SIRT3: variants seen among roughly 807,000 people sequenced by gnomAD.
The protein encoded by SIRT3 is sirtuin 3.
SIRT3 carries 26 observed loss-of-function variants against 33.5 expected under a neutral mutation model. That is an observed-to-expected ratio of 0.78 (90% confidence interval 0.57 to 1.08). SIRT3 has a LOEUF of 1.08. SIRT3 is among the 50% of genes least tolerant of loss of function. The pLI, the probability that SIRT3 is intolerant of heterozygous loss-of-function variation, is 0.00. For missense variants in SIRT3, 585 were observed against 530.1 expected, an observed-to-expected ratio of 1.10 and a Z score of -1.02; for synonymous variants, 237 against 222.1, an observed-to-expected ratio of 1.07 and a Z score of -0.60.
chr11:221,999 C>T (rs1856506988), intron 5 of SIRT3, among the ~76,000 whole-genome samples: 1 of 152,174 alleles, frequency 6.6e-6, no homozygotes, highest in Admixed American at 6.5e-5. Context: ...CGAATCTTTT[C>T]AAAGACACAC....
Position 218,983 on chromosome 11 carries a change from A to G in SIRT3, c.1028T>C (p.Ile343Thr). 4 of 1,614,134 alleles carry G rather than the reference A, an allele frequency of 2.5e-6. No homozygotes were observed. In the Admixed American group the frequency reaches 5.0e-5, roughly 20 times the overall value. ...AVRSSVPRLL[I>T]NRDLVGPLAW... ...CAAGGGCCCCACCAAGTCCCGGTTG[A>G]TGAGCAGTCGGGGAACTGAGCTCCG... Residue 343 changes from isoleucine (I) to threonine (T), a missense_variant, in exon 6 of 7, where the codon ATC becomes ACC. Coordinates refer to ENST00000382743, the MANE Select transcript of SIRT3 (RefSeq NM_012239.6).
chr11:236,489 T>C (rs1040440732), upstream of SIRT3: 7 of 289,800 alleles, frequency 2.4e-5, no homozygotes, highest in South Asian at 1.3e-4. Context: ...CCCCGCCTCC[T>C]TGCCGACGCC....
chr11:236,784 G>C (rs1273186789), upstream of SIRT3: 1 of 537,546 alleles, frequency 1.9e-6, no homozygotes, highest in Admixed American at 3.2e-5. Context: ...TCCGTAGCGG[G>C]TTCGACCACA....
chr11:216,695 A>G lies in SIRT3; in HGVS notation c.*3T>C, dbSNP rs773452420. 2 of 1,614,088 alleles carry G rather than the reference A, an allele frequency of 1.2e-6. No homozygotes were observed. Among genetic ancestry groups the G allele is most frequent in the East Asian group, 4.5e-5 (2 of 44,892 alleles). ...CATTTATTGTGTGGGGGCAGCCATCATCCTATTTGTCTGGTCCATCAAGCT... is the reference window on the plus strand; with the variant it reads ...CATTTATTGTGTGGGGGCAGCCATCGTCCTATTTGTCTGGTCCATCAAGCT... On this transcript the variant is annotated 3_prime_UTR_variant, in exon 7 of 7. Transcript: ENST00000382743.
At chr11:227,407 C>G in intron 4 of SIRT3, among the ~76,000 whole-genome samples, 1 of 151,578 alleles carries the variant, frequency 6.6e-6, no homozygotes, top group African/African-American at 2.4e-5. Flanking sequence ...CACTGCACTC[C>G]AGCCTGGGCA....
Position 216,670 on chromosome 11 carries a change from C to T in SIRT3, c.*28G>A. Reference sequence around the variant, plus strand: ...GGGATGTGGATGTCTCCTATGTTACCATTTATTGTGTGGGGGCAGCCATCA... The same window carrying T: ...GGGATGTGGATGTCTCCTATGTTACTATTTATTGTGTGGGGGCAGCCATCA... On this transcript the variant is annotated 3_prime_UTR_variant, in exon 7 of 7. Transcript: ENST00000382743. 1 of 1,613,610 alleles carries T rather than the reference C, an allele frequency of 6.2e-7. No individual in the cohort carries two copies. The highest frequency in any genetic ancestry group is 8.5e-7 in the Non-Finnish European group (1 of 1,179,618).
intron 3 of SIRT3, among the ~76,000 whole-genome samples, chr11:232,441 T>A (rs1278686066): frequency 6.6e-6 from 1 of 152,124 alleles, no homozygotes; most frequent in East Asian, 1.9e-4. Context: ...GGAGTTGTTT[T>A]TAAAGTATTC....
intron 1 of SIRT3, 33 bp downstream of exon 1, chr11:236,015 C>T (rs779259285): frequency 2.8e-6 from 4 of 1,436,906 alleles, no homozygotes; most frequent in Non-Finnish European, 3.7e-6. Flanking sequence ...CGACAACGAA[C>T]ACGCAAGAAG....
intron 4 of SIRT3, among the ~76,000 whole-genome samples, chr11:224,562 C>T (rs879856867): frequency 6.6e-6 from 1 of 152,204 alleles, no homozygotes; most frequent in Admixed American, 6.5e-5. Context: ...GACATCCAGG[C>T]GCTAAGGAAA....
rs780636158 is a variant in SIRT3, at chr11:230,454, G to A, written c.805C>T (p.Arg269Trp). 4.8e-6 allele frequency: 7 copies of A among 1,448,888 alleles called. No individual in the cohort carries two copies. Among genetic ancestry groups the A allele is most frequent in the Middle Eastern group, 1.8e-4 (1 of 5,512 alleles). The allele number at this position is 1,448,888 out of a possible 1,614,324, so 89.8% of individuals were successfully genotyped here. Residue 269 changes from arginine to tryptophan, a missense_variant and splice_region_variant, in exon 4 of 7, where the codon CGG (arginine) becomes TGG (tryptophan). Physicochemically the swap from Arg to Trp is moderately radical, Grantham distance 101. Coordinates refer to ENST00000382743, the MANE Select transcript of SIRT3 (RefSeq NM_012239.6). ...CAACCAACAGCAGGATAACTCACCC[G>A]AATGTCCTCCCCTGGGAAGGGTCTT... ...CQRPFPGEDI[R>W]ADVMADRVPR...
chr11:236,433 C>A, upstream of SIRT3: 2 of 743,058 alleles, frequency 2.7e-6, no homozygotes, highest in Non-Finnish European at 3.3e-6. Context: ...CCGCCTCCGC[C>A]TACCGCCCCC....
At chr11:217,134 T>G (rs1464397667) in intron 6 of SIRT3, among the ~76,000 whole-genome samples, 1 of 152,234 alleles carries the variant, frequency 6.6e-6, no homozygotes, top group East Asian at 1.9e-4. Context: ...GCTACCAGAG[T>G]TACAATCTGC....
At chr11:228,203 T>TCCA (rs551711433) in intron 4 of SIRT3, among the ~76,000 whole-genome samples, 29 of 152,268 alleles carry the variant, frequency 1.9e-4, no homozygotes, top group African/African-American at 6.7e-4. Context: ...GTTGGATGAC[T>TCCA]CCACCTTATT....
chr11:220,440 C>G lies in SIRT3; in HGVS notation c.970-1399G>C, dbSNP rs536024803. On this transcript the variant is annotated intron_variant, in intron 5 of 6. Coordinates refer to ENST00000382743, the MANE Select transcript of SIRT3 (RefSeq NM_012239.6). The stretch of plus-strand genomic sequence containing the variant: ...AATTTATATTGCTAATTTATAATGA[C>G]CCAATGAAAAATGGTCAAGAGGTAC... 2.7e-5 allele frequency among the ~76,000 whole-genome samples: 4 copies of G among 150,920 alleles called. No individual in the cohort carries two copies. In the East Asian group the frequency reaches 7.8e-4, roughly 29 times the overall value.
intron 5 of SIRT3, among the ~76,000 whole-genome samples, chr11:221,833 T>G (rs2133823747): frequency 6.6e-6 from 1 of 151,546 alleles, no homozygotes; most frequent in South Asian, 2.1e-4. Flanking sequence ...GGCTGCAGAA[T>G]AGAATGTACA....
In SIRT3 at chr11:233,353, G is replaced by T. The variant is rs748945721; in HGVS notation, c.463C>A (p.Pro155Thr). 6 of 1,613,642 alleles carry T rather than the reference G, an allele frequency of 3.7e-6. No individual in the cohort carries two copies. The highest frequency in any genetic ancestry group is 5.1e-6 in the Non-Finnish European group (6 of 1,179,764). Residue 155 changes from proline (P) to threonine (T), a missense_variant, in exon 2 of 7, where the codon CCA (proline) becomes ACA (threonine). Transcript: ENST00000382743. Reference protein sequence around the residue: ...GAGISTPSGIPDFRSPGSGLY... With the variant: ...GAGISTPSGITDFRSPGSGLY... ...GACTGTGGGCAGTACCTGAAGTCTGGAATGCCACTGGGTGTGCTGATGCCG... is the reference window on the plus strand; with the variant it reads ...GACTGTGGGCAGTACCTGAAGTCTGTAATGCCACTGGGTGTGCTGATGCCG...
At chr11:232,806 C>CTGTT (rs1313911546) in intron 3 of SIRT3, among the ~76,000 whole-genome samples, 177 bp downstream of exon 3, 1 of 152,110 alleles carries the variant, frequency 6.6e-6, no homozygotes, top group Non-Finnish European at 1.5e-5. Flanking sequence ...AAAGCCCTAA[C>CTGTT]TAGTTGGCTC....
At chr11:224,382 C>T (rs1347036645) in intron 4 of SIRT3, 143 bp from the exon 5 acceptor site, 5 of 853,876 alleles carry the variant, frequency 5.9e-6, no homozygotes, top group Non-Finnish European at 9.0e-6. Flanking sequence ...TACCCAGCTT[C>T]AGGAATTACC....
chr11:235,998 G>T, intron 1 of SIRT3, 50 bp downstream of exon 1: 1 of 1,411,406 alleles, frequency 7.1e-7, no homozygotes. Flanking sequence ...AAGAGTGGGC[G>T]AGGTGTCGAC....
Sources: gnomAD v4.1 joint callset for allele counts (sites outside exome capture counted in the v4.1 genomes callset) on GRCh38, gnomAD v4.1.1 for gene constraint, MANE v1.5 for transcripts, NCBI Gene and HGNC (gene_info 2026-07-23, HGNC 2026-07-21) for gene names.